HCN1: variants seen among roughly 807,000 people sequenced by gnomAD.
The protein encoded by HCN1 is hyperpolarization activated cyclic nucleotide gated potassium channel 1.
In HCN1, 13 loss-of-function variants were observed where a neutral mutation model predicts 78.9. The observed-to-expected ratio is 0.16, with a 90% CI of 0.11 to 0.26. HCN1 has a LOEUF of 0.26. Among genes scored for constraint, HCN1 ranks in the 10% least tolerant of loss-of-function variants. The pLI is 1.00. For synonymous variants in HCN1, 552 were observed against 455.5 expected (o/e 1.21, Z -2.70); for missense variants, 810 against 1,154.3 (o/e 0.70, Z 4.32).
chr5:45,517,441 GAT>G (rs1029198480), intron 2 of HCN1, among the ~76,000 whole-genome samples: 13 of 140,168 alleles, frequency 9.3e-5, no homozygotes, highest in Non-Finnish European at 1.8e-4. Flanking sequence ...AAAACAAAAA[GAT>G]ATTTTCCTAC....
At chr5:45,307,454 T>A (rs530284050) in intron 5 of HCN1, among the ~76,000 whole-genome samples, 1 of 152,236 alleles carries the variant, frequency 6.6e-6, no homozygotes, top group East Asian at 1.9e-4. Flanking sequence ...AGTCAGGCAA[T>A]CAATGTTAAC....
chr5:45,601,837 A>G (rs1007991791), intron 2 of HCN1, among the ~76,000 whole-genome samples: 1 of 152,118 alleles, frequency 6.6e-6, no homozygotes, highest in African/African-American at 2.4e-5. Flanking sequence ...CCCAAAATTC[A>G]TATGTTGAAG....
chr5:45,525,363 G>T (rs1742715338), intron 2 of HCN1, among the ~76,000 whole-genome samples: 1 of 151,936 alleles, frequency 6.6e-6, no homozygotes, highest in East Asian at 1.9e-4. Flanking sequence ...ACTTGTAAAA[G>T]AAAATTATCT....
intron 2 of HCN1, among the ~76,000 whole-genome samples, chr5:45,544,946 A>G (rs1743180090): frequency 2.0e-5 from 3 of 152,082 alleles, no homozygotes; most frequent in Admixed American, 6.6e-5. Flanking sequence ...ATGATTTATA[A>G]TCCTTTGGGT....
chr5:45,666,658 ATG>A (rs979793892), intron 1 of HCN1, among the ~76,000 whole-genome samples: 2 of 151,994 alleles, frequency 1.3e-5, no homozygotes, highest in African/African-American at 4.8e-5. Flanking sequence ...ACTACAGTAA[ATG>A]TAACATGGCC....
intron 3 of HCN1, among the ~76,000 whole-genome samples, chr5:45,446,140 A>G (rs1287534436): frequency 6.6e-6 from 1 of 152,236 alleles, no homozygotes; most frequent in Non-Finnish European, 1.5e-5. Context: ...AAAACTTTGA[A>G]AAAAATTTAG....
At chr5:45,633,683 T>C (rs951141589) in intron 2 of HCN1, among the ~76,000 whole-genome samples, 1 of 152,002 alleles carries the variant, frequency 6.6e-6, no homozygotes, top group African/African-American at 2.4e-5. Context: ...GGCCAATTAA[T>C]ATATGATTAA....
intron 5 of HCN1, among the ~76,000 whole-genome samples, chr5:45,311,592 C>A (rs566293373): frequency 2.6e-5 from 4 of 151,984 alleles, no homozygotes; most frequent in African/African-American, 4.8e-5. Context: ...GGACTTGTTG[C>A]TTTAGTGTTG....
chr5:45,368,161 A>G (rs752637842), intron 4 of HCN1, among the ~76,000 whole-genome samples: 3 of 152,010 alleles, frequency 2.0e-5, no homozygotes, highest in Non-Finnish European at 2.9e-5. Flanking sequence ...ATTCTGTTTC[A>G]ATTAATACAC....
At chr5:45,540,614 G>A (rs1334431629) in intron 2 of HCN1, among the ~76,000 whole-genome samples, 1 of 152,106 alleles carries the variant, frequency 6.6e-6, no homozygotes, top group Non-Finnish European at 1.5e-5. Flanking sequence ...ATAGGCAGGA[G>A]CCACCATGCC....
At chr5:45,360,732 CA>C (rs1353893192) in intron 4 of HCN1, among the ~76,000 whole-genome samples, 2 of 151,800 alleles carry the variant, frequency 1.3e-5, no homozygotes, top group Admixed American at 6.6e-5. Context: ...ATAAAAATAA[CA>C]TGAAATCTTC....
intron 2 of HCN1, among the ~76,000 whole-genome samples, chr5:45,580,153 T>C (rs1355973523): frequency 6.6e-6 from 1 of 151,952 alleles, no homozygotes; most frequent in African/African-American, 2.4e-5. Context: ...TTAGATTACA[T>C]GGCAAAAGGA....
At chr5:45,374,125 A>AATATATATTATATACATAATATATATT (rs1561130257) in intron 4 of HCN1, among the ~76,000 whole-genome samples, 6 of 106,200 alleles carry the variant, frequency 5.6e-5, no homozygotes, top group Non-Finnish European at 9.1e-5. Context: ...TAATATATAT[A>AATATATATTATATACATAATATATATT]ATATATATTA....
intron 2 of HCN1, among the ~76,000 whole-genome samples, chr5:45,634,399 G>C (rs185982203): frequency 6.6e-6 from 1 of 151,902 alleles, no homozygotes. Flanking sequence ...TGAAATTTTA[G>C]TTATTAATAT....
intron 3 of HCN1, among the ~76,000 whole-genome samples, chr5:45,399,928 CA>C (rs908284066): frequency 5.9e-5 from 9 of 152,020 alleles, no homozygotes; most frequent in Non-Finnish European, 1.0e-4. Context: ...TAAACTCATG[CA>C]AAAACTCTTA....
intron 2 of HCN1, among the ~76,000 whole-genome samples, chr5:45,490,084 T>C (rs1308715380): frequency 2.0e-5 from 3 of 152,112 alleles, no homozygotes; most frequent in African/African-American, 7.2e-5. Flanking sequence ...CGTATAGAAA[T>C]TAACCAGGTG....
intron 1 of HCN1, among the ~76,000 whole-genome samples, chr5:45,683,572 C>T (rs1739746846): frequency 6.6e-6 from 1 of 152,012 alleles, no homozygotes; most frequent in Admixed American, 6.6e-5. Flanking sequence ...AGCCTCAAAA[C>T]TAAACCAGTT....
chr5:45,602,608 A>C (rs1187169296), intron 2 of HCN1, among the ~76,000 whole-genome samples: 3 of 152,136 alleles, frequency 2.0e-5, no homozygotes, highest in Non-Finnish European at 4.4e-5. Context: ...ATAGTTGAGA[A>C]TATTGCTGCT....
chr5:45,580,863 T>C (rs1032820644), intron 2 of HCN1, among the ~76,000 whole-genome samples: 1 of 152,164 alleles, frequency 6.6e-6, no homozygotes, highest in Non-Finnish European at 1.5e-5. Context: ...ACAAAGGACA[T>C]GAACTCATCC....
Sources: gnomAD v4.1 joint callset for allele counts (sites outside exome capture counted in the v4.1 genomes callset) on GRCh38, gnomAD v4.1.1 for gene constraint, MANE v1.5 for transcripts, NCBI Gene and HGNC (gene_info 2026-07-23, HGNC 2026-07-21) for gene names.